The following MRPL18 variants were observed in gnomAD, a reference collection of about 807,000 sequenced individuals.
MRPL18 encodes mitochondrial ribosomal protein L18, also known as large ribosomal subunit protein uL18m.
MRPL18 carries 16 observed loss-of-function variants against 20.9 expected under a neutral mutation model. That is an observed-to-expected ratio of 0.76 (90% CI 0.52 to 1.16). The LOEUF is 1.16. MRPL18 is among the 50% of genes most tolerant of loss of function. The probability of loss-of-function intolerance (pLI) is 0.00; values close to 1 mark genes in which losing one functional copy is unlikely to be tolerated. For synonymous variants in MRPL18, 91 were observed against 87.1 expected, an observed-to-expected ratio of 1.04 and a Z score of -0.25; for missense variants, 233 against 230.6, an observed-to-expected ratio of 1.01 and a Z score of -0.07.
At chr6:159,790,419 C>G (rs552141603), upstream of MRPL18, 5 of 776,168 alleles carry the variant, frequency 6.4e-6, no homozygotes, top group Non-Finnish European at 1.1e-5. Context: ...TTCTCGGCCA[C>G]TCAGTGGCAG....
At chr6:159,791,594 C>T (rs73585648) in intron 2 of MRPL18, among the ~76,000 whole-genome samples, 2 of 152,074 alleles carry the variant, frequency 1.3e-5, no homozygotes, top group Non-Finnish European at 2.9e-5. Flanking sequence ...AGCTTGAGCC[C>T]GAATTGGTTT....
chr6:159,796,128 C>CTTT (rs371374052), intron 2 of MRPL18, among the ~76,000 whole-genome samples: 2,775 of 116,106 alleles, frequency 0.024, 40 homozygotes, highest in African/African-American at 0.038. Context: ...CTTCATTTTA[C>CTTT]TTTTTTTTTT....
upstream of MRPL18, chr6:159,789,910 G>GGAGCTGGGGTGTAACT (rs952253646): frequency 1.0e-5 from 2 of 200,370 alleles, no homozygotes; most frequent in Non-Finnish European, 2.1e-5. Flanking sequence ...GGTGGAGCTT[G>GGAGCTGGGGTGTAACT]GAGCTGGGGT....
chr6:159,797,667 T>C, intron 3 of MRPL18, 149 bp downstream of exon 3: 1 of 707,880 alleles, frequency 1.4e-6, no homozygotes, highest in Non-Finnish European at 2.3e-6. Context: ...CTTCATTTAA[T>C]CCTCACATCA....
chr6:159,790,132 T>C (rs538594307), upstream of MRPL18: 2 of 196,206 alleles, frequency 1.0e-5, no homozygotes, highest in South Asian at 1.8e-4. Context: ...AAATTTTTGG[T>C]TCGAGGAAGA....
Position 159,790,737 on chromosome 6 carries a change from G to T in MRPL18, c.52+98G>T, listed in dbSNP as rs931662286. On this transcript the variant is annotated intron_variant, in intron 1 of 3. Transcript: ENST00000367034. ...TATTTTGTATTCGACGTGCCGGATC[G>T]AAATAGAGCTCGCGGCACTGCGAAG... The T allele has an allele frequency of 2.0e-6, 3 of 1,528,038 alleles. No homozygotes were observed. In the African/African-American group the frequency reaches 4.1e-5, roughly 21 times the overall value. The allele number at this position is 1,528,038 out of a possible 1,614,324, so 94.7% of individuals were successfully genotyped here.
At chr6:159,791,935 A>T (rs1780911314) in intron 2 of MRPL18, among the ~76,000 whole-genome samples, 1 of 152,176 alleles carries the variant, frequency 6.6e-6, no homozygotes, top group Non-Finnish European at 1.5e-5. Flanking sequence ...TAAATTTTTG[A>T]GGGAGCAGGA....
chr6:159,797,230 A>T lies in MRPL18; in HGVS notation c.240-57A>T, dbSNP rs369698228. ...TTTAGTCATTTATTCACCTCAATTAATGTAACTTTAGGATACAGATTCTTC... is the reference window on the plus strand; with the variant it reads ...TTTAGTCATTTATTCACCTCAATTATTGTAACTTTAGGATACAGATTCTTC... On this transcript the variant is annotated intron_variant, in intron 2 of 3. Coordinates refer to ENST00000367034, the MANE Select transcript of MRPL18 (RefSeq NM_014161.5). 4.1e-6 allele frequency: 6 copies of T among 1,465,614 alleles called. No homozygotes were observed. In the African/African-American group the frequency reaches 5.6e-5, roughly 14 times the overall value. The allele number at this position is 1,465,614 out of a possible 1,614,324, so 90.8% of individuals were successfully genotyped here.
At position 159,798,390 on chromosome 6, in the gene MRPL18, GT is replaced by G; in HGVS notation, c.*270del. 2.7e-6 allele frequency: 1 copy of G among 367,310 alleles called. No individual in the cohort carries two copies. 22.8% of individuals were successfully genotyped at this position (367,310 alleles called of 1,614,324 possible). A position where few individuals can be genotyped will look rare whatever the true frequency, so the allele number is the denominator to read the frequency against. ...ACTTTCAAAGGGCAAGTCAGAAGTT[GT>G]TTATAAATTACAAAATAAAGGCATA... On this transcript the variant is annotated 3_prime_UTR_variant, in exon 4 of 4. Coordinates refer to ENST00000367034, the MANE Select transcript of MRPL18 (RefSeq NM_014161.5).
chr6:159,790,649 C>T lies in MRPL18; in HGVS notation c.52+10C>T. ...GTTTGCAGGAACCCTGGTAATTAGT[C>T]TTGCCCCCCTTCTCCCAGCTCACTC... On this transcript the variant is annotated intron_variant, in intron 1 of 3. Coordinates refer to ENST00000367034, the MANE Select transcript of MRPL18 (RefSeq NM_014161.5). 1 of 1,614,020 alleles carries T rather than the reference C, an allele frequency of 6.2e-7. No individual in the cohort carries two copies. The highest frequency in any genetic ancestry group is 8.5e-7 in the Non-Finnish European group (1 of 1,179,936).
intron 2 of MRPL18, among the ~76,000 whole-genome samples, chr6:159,793,126 C>T (rs981711948): frequency 3.9e-5 from 6 of 152,048 alleles, no homozygotes; most frequent in African/African-American, 1.2e-4. Context: ...TGCACTCGGC[C>T]CCAACGCATT....
Position 159,797,482 on chromosome 6 carries a change from C to T in MRPL18, c.435C>T (p.Val145=). The change falls in exon 3 of 4, where the codon GTC becomes GTT. Residue 145 remains valine (V), a synonymous_variant. Coordinates refer to ENST00000367034, the MANE Select transcript of MRPL18 (RefSeq NM_014161.5). ...TAGAGGCGGGAATCAACTTCATGGT[C>T]TACCAACCAACCCCGTGGGAGGCAG... ...RCLEAGINFM[V]YQPTPWEAAS... is the part of the protein sequence containing the mutation. The T allele has an allele frequency of 6.2e-7, 1 of 1,614,208 alleles. No homozygotes were observed. The highest frequency in any genetic ancestry group is 2.2e-5 in the East Asian group (1 of 44,892).
chr6:159,791,372 C>A (rs1780894165), intron 2 of MRPL18, among the ~76,000 whole-genome samples: 1 of 152,130 alleles, frequency 6.6e-6, no homozygotes, highest in African/African-American at 2.4e-5. Flanking sequence ...AGGAAGAAGC[C>A]TAGTCATCTG....
intron 2 of MRPL18, among the ~76,000 whole-genome samples, chr6:159,793,368 T>C (rs1382535905): frequency 6.6e-6 from 1 of 150,848 alleles, no homozygotes; most frequent in Non-Finnish European, 1.5e-5. Flanking sequence ...TTTTACTTTT[T>C]TTAAGTTAAA....
chr6:159,792,944 C>T (rs1165388438), intron 2 of MRPL18, among the ~76,000 whole-genome samples: 1 of 152,130 alleles, frequency 6.6e-6, no homozygotes, highest in Non-Finnish European at 1.5e-5. Context: ...TCTGGGACTG[C>T]AGGCACACAC....
chr6:159,798,225 A>G lies in MRPL18; in HGVS notation c.*102A>G. The G allele has an allele frequency of 1.1e-6, 1 of 910,252 alleles. No individual in the cohort carries two copies. Among genetic ancestry groups the G allele is most frequent in the Non-Finnish European group, 1.7e-6 (1 of 588,482 alleles). The allele number at this position is 910,252 out of a possible 1,614,324, so 56.4% of individuals were successfully genotyped here. A position where few individuals can be genotyped will look rare whatever the true frequency, so the allele number is the denominator to read the frequency against. On this transcript the variant is annotated 3_prime_UTR_variant, in exon 4 of 4. Coordinates refer to ENST00000367034, the MANE Select transcript of MRPL18 (RefSeq NM_014161.5). ...AGAACAGCCAGCTTGGAAGTTTTAC[A>G]GCAATAATGTTGCAGTGGAATATTA...
chr6:159,797,421 G>A lies in MRPL18; in HGVS notation c.374G>A (p.Cys125Tyr). 3.7e-6 allele frequency: 6 copies of A among 1,614,200 alleles called. No individual in the cohort carries two copies. The highest frequency in any genetic ancestry group is 5.1e-6 in the Non-Finnish European group (6 of 1,180,032). Residue 125 changes from cysteine (C) to tyrosine (Y), a missense_variant, in exon 3 of 4, where the codon TGT (cysteine) becomes TAT (tyrosine). Physicochemically the swap from Cys to Tyr is radical, Grantham distance 194. Coordinates refer to ENST00000367034, the MANE Select transcript of MRPL18 (RefSeq NM_014161.5). ...HLYSTRNVVA[C>Y]ESIGRVLAQR... ...TATAGTACCAGAAATGTGGTGGCTTGTGAGAGTATAGGACGAGTGCTGGCA... is the reference window on the plus strand; with the variant it reads ...TATAGTACCAGAAATGTGGTGGCTTATGAGAGTATAGGACGAGTGCTGGCA...
intron 1 of MRPL18, 104 bp from the exon 2 acceptor site, chr6:159,790,836 G>A (rs1307859196): frequency 1.4e-6 from 2 of 1,465,940 alleles, no homozygotes; most frequent in Non-Finnish European, 1.8e-6. Flanking sequence ...CGTCCCCTCG[G>A]GCCTAAAGAT....
chr6:159,790,545 C>T lies in MRPL18; in HGVS notation c.-43C>T, dbSNP rs772930116. The T allele has an allele frequency of 4.3e-6, 7 of 1,613,752 alleles. No individual in the cohort carries two copies. Among genetic ancestry groups the T allele is most frequent in the Non-Finnish European group, 5.9e-6 (7 of 1,179,794 alleles). On this transcript the variant is annotated 5_prime_UTR_variant, in exon 1 of 4. Coordinates refer to ENST00000367034, the MANE Select transcript of MRPL18 (RefSeq NM_014161.5). ...GCTCCTGGCGAGCGACTGAGTCGTC[C>T]GTGAGGAAAAAGAGGCGAGGCTTTT...
Sources: allele counts gnomAD v4.1 joint callset (sites outside exome capture counted in the v4.1 genomes callset), GRCh38; gene constraint gnomAD v4.1.1; transcripts MANE v1.5; gene names NCBI Gene and HGNC (gene_info 2026-07-23, HGNC 2026-07-21).